The following TNIP1 variants were observed in gnomAD, a reference collection of about 807,000 sequenced individuals.
TNIP1 encodes TNFAIP3 interacting protein 1.
Under a neutral mutation model 86.6 loss-of-function variants are expected in TNIP1, and 22 were observed. The ratio of observed to expected loss-of-function variants is 0.25; its 90% CI spans 0.18 to 0.36. TNIP1 has a LOEUF of 0.36. Ranked by LOEUF, TNIP1 falls within the 10% of genes least tolerant of loss-of-function variation. The pLI, the probability that TNIP1 is intolerant of heterozygous loss-of-function variation, is 1.00. For missense variants in TNIP1, 709 were observed against 820.6 expected, an observed-to-expected ratio of 0.86 and a Z score of 1.66; for synonymous variants, 294 against 313.0, an observed-to-expected ratio of 0.94 and a Z score of 0.64.
At chr5:151,033,994 C>T (rs1315133887) in intron 15 of TNIP1, among the ~76,000 whole-genome samples, 195 bp from the exon 16 acceptor site, 1 of 152,164 alleles carries the variant, frequency 6.6e-6, no homozygotes, top group African/African-American at 2.4e-5. Flanking sequence ...GATATATGAG[C>T]ATGGAAGGCT....
At chr5:151,079,446 A>T (rs1486114915) in intron 1 of TNIP1, among the ~76,000 whole-genome samples, 1 of 152,112 alleles carries the variant, frequency 6.6e-6, no homozygotes, top group Admixed American at 6.5e-5. Context: ...CAACATGGTG[A>T]AACTGTCTCT....
At chr5:151,042,475 C>T in intron 11 of TNIP1, 65 bp downstream of exon 11, 2 of 1,569,526 alleles carry the variant, frequency 1.3e-6, no homozygotes, top group Non-Finnish European at 1.7e-6. Context: ...GGCTTGTTTG[C>T]TCCACAGAAC....
At chr5:151,081,364 C>G (rs1028165427), upstream of TNIP1, among the ~76,000 whole-genome samples, 6 of 152,164 alleles carry the variant, frequency 3.9e-5, no homozygotes, top group Admixed American at 6.5e-5. Flanking sequence ...CAGAGACCAC[C>G]CAGCCCCTTC....
chr5:151,030,767 G>T lies in TNIP1; in HGVS notation c.1877-20C>A. ...GAGACTCTAAATAAACAAAAATTTTGAGGACTTCATGATTATGTGGTAGAG... is the reference window on the plus strand; with the variant it reads ...GAGACTCTAAATAAACAAAAATTTTTAGGACTTCATGATTATGTGGTAGAG... On this transcript the variant is annotated intron_variant, in intron 17 of 17. Transcript: ENST00000521591. 1.3e-6 allele frequency: 2 copies of T among 1,591,166 alleles called. No homozygotes were observed. The highest frequency in any genetic ancestry group is 1.7e-6 in the Non-Finnish European group (2 of 1,165,822).
chr5:151,059,818 AGAGAGAGAGAGTGTGT>A (rs1761209027), intron 5 of TNIP1, among the ~76,000 whole-genome samples: 17 of 103,028 alleles, frequency 1.7e-4, no homozygotes, highest in African/African-American at 7.0e-4. Context: ...AGAGAGAGAG[AGAGAGAGAGAGTGTGT>A]GTGTGTGTGT....
intron 5 of TNIP1, among the ~76,000 whole-genome samples, chr5:151,057,258 T>C (rs1171674938): frequency 6.6e-6 from 1 of 152,224 alleles, no homozygotes; most frequent in Non-Finnish European, 1.5e-5. Context: ...CATCCTCATC[T>C]ACCAAATGTC....
upstream of TNIP1, among the ~76,000 whole-genome samples, chr5:151,083,898 TCC>T (rs1764174911): frequency 6.6e-6 from 1 of 152,216 alleles, no homozygotes; most frequent in African/African-American, 2.4e-5. Flanking sequence ...GTGTGCTATC[TCC>T]GCGCTTTTAT....
intron 1 of TNIP1, among the ~76,000 whole-genome samples, chr5:151,069,036 G>C (rs923592083): frequency 1.3e-5 from 2 of 152,334 alleles, no homozygotes; most frequent in East Asian, 1.9e-4. Context: ...GGCCCAGTTT[G>C]GGGGCAGAAA....
chr5:151,036,946 A>C (rs764307428), intron 12 of TNIP1, 25 bp from the exon 13 acceptor site: 12 of 1,571,464 alleles, frequency 7.6e-6, no homozygotes, highest in African/African-American at 1.4e-5. Context: ...AGATGGGACC[A>C]TCAGCAGGAA....
At chr5:151,074,617 C>A (rs575620777) in intron 1 of TNIP1, among the ~76,000 whole-genome samples, 9 of 152,262 alleles carry the variant, frequency 5.9e-5, no homozygotes, top group African/African-American at 2.2e-4. Context: ...GGAAAAGGGG[C>A]TGGACAGGGG....
At chr5:151,063,869 C>G in intron 2 of TNIP1, 122 bp from the exon 3 acceptor site, 1 of 1,272,346 alleles carries the variant, frequency 7.9e-7, no homozygotes, top group Non-Finnish European at 1.1e-6. Flanking sequence ...CTGGACTTCA[C>G]TCCCACCGTT....
chr5:151,032,671 T>C (rs1046293669), intron 16 of TNIP1: 1 of 406,250 alleles, frequency 2.5e-6, no homozygotes, highest in East Asian at 5.7e-5. Flanking sequence ...TGTTTAAAGA[T>C]GTGTACCAAG....
intron 6 of TNIP1, among the ~76,000 whole-genome samples, chr5:151,054,453 G>T (rs1250618183): frequency 1.3e-5 from 2 of 152,168 alleles, no homozygotes; most frequent in Non-Finnish European, 2.9e-5. Context: ...GGCTGAGGCA[G>T]GAGGATCACT....
At chr5:151,049,740 G>A (rs1378098482) in intron 8 of TNIP1, 84 bp downstream of exon 8, 26 of 1,517,024 alleles carry the variant, frequency 1.7e-5, no homozygotes, top group Non-Finnish European at 2.4e-5. Flanking sequence ...CAGGAGGGAG[G>A]AGGCTCACTG....
intron 12 of TNIP1, 61 bp downstream of exon 12, chr5:151,039,036 G>A: frequency 6.4e-7 from 1 of 1,571,620 alleles, no homozygotes; most frequent in South Asian, 1.2e-5. Flanking sequence ...CCAGTGATGG[G>A]GTGGGCATTG....
At chr5:151,087,499 C>T (rs1434178262), upstream of TNIP1, 1 of 152,278 alleles carries the variant, frequency 6.6e-6, no homozygotes, top group Non-Finnish European at 1.5e-5. Flanking sequence ...TCCATTTCCT[C>T]CTTCGCCTAA....
At position 151,033,593 on chromosome 5, in the gene TNIP1, G is replaced by A. The variant is rs1700054052; in HGVS notation, c.1779+15C>T. On this transcript the variant is annotated intron_variant, in intron 16 of 17. Coordinates refer to ENST00000521591, the MANE Select transcript of TNIP1 (RefSeq NM_006058.5). ...TCTGTGTGTGCCCTGGAGCAAGGGA[G>A]GGACACAGACTCACCAGATGGAAGA... 1 of 1,417,502 alleles carries A rather than the reference G, an allele frequency of 7.1e-7. No homozygotes were observed. Among genetic ancestry groups the A allele is most frequent in the Non-Finnish European group, 9.3e-7 (1 of 1,072,436 alleles). 87.8% of individuals were successfully genotyped at this position (1,417,502 alleles called of 1,614,324 possible).
At chr5:151,065,305 T>C (rs1762096724) in intron 1 of TNIP1, among the ~76,000 whole-genome samples, 174 bp from the exon 2 acceptor site, 1 of 152,228 alleles carries the variant, frequency 6.6e-6, no homozygotes. Flanking sequence ...TCTGCCTCTA[T>C]TAATACAACC....
At position 151,033,781 on chromosome 5, in the gene TNIP1, G is replaced by T; in HGVS notation, c.1606C>A (p.His536Asn). 1 of 1,369,054 alleles carries T rather than the reference G, an allele frequency of 7.3e-7. No homozygotes were observed. The allele number at this position is 1,369,054 out of a possible 1,614,324, so 84.8% of individuals were successfully genotyped here. ...AGATGTTCTGGGTGGGGCTCCACATGGTAACGCTCTCCTGAGGCCTGCAAG... is the reference window on the plus strand; with the variant it reads ...AGATGTTCTGGGTGGGGCTCCACATTGTAACGCTCTCCTGAGGCCTGCAAG... Reference protein sequence around the residue: ...RKAKASGERYHVEPHPEHLCG... With the variant: ...RKAKASGERYNVEPHPEHLCG... The change falls in exon 16 of 18, where the codon CAT becomes AAT. Residue 536 changes from histidine to asparagine, a missense_variant. Transcript: ENST00000521591.
Sources: gnomAD v4.1 joint callset for allele counts (sites outside exome capture counted in the v4.1 genomes callset) on GRCh38, gnomAD v4.1.1 for gene constraint, MANE v1.5 for transcripts, NCBI Gene and HGNC (gene_info 2026-07-23, HGNC 2026-07-21) for gene names.